DCDC1: variants seen among roughly 807,000 people sequenced by gnomAD.
DCDC1 encodes doublecortin domain containing 1.
In DCDC1, 200 loss-of-function variants were observed where a neutral mutation model predicts 178.3. The observed-to-expected ratio is 1.12, with a 90% CI of 1.00 to 1.26. DCDC1 has a LOEUF of 1.26. Among genes scored for constraint, DCDC1 ranks in the 50% most tolerant of loss-of-function variants. The pLI, the probability that DCDC1 is intolerant of heterozygous loss-of-function variation, is 0.00. For missense variants in DCDC1, 1,983 were observed against 1,749.2 expected, an observed-to-expected ratio of 1.13 and a Z score of -2.38; for synonymous variants, 690 against 604.8, an observed-to-expected ratio of 1.14 and a Z score of -2.07.
At chr11:30,983,537 C>T (rs1457359100) in intron 20 of DCDC1, among the ~76,000 whole-genome samples, 1 of 152,110 alleles carries the variant, frequency 6.6e-6, no homozygotes, top group Non-Finnish European at 1.5e-5. Flanking sequence ...ATTAAAATTA[C>T]ATAAATCATA....
intron 9 of DCDC1, among the ~76,000 whole-genome samples, chr11:31,169,630 T>C (rs1966969671): frequency 6.6e-6 from 1 of 152,146 alleles, no homozygotes; most frequent in African/African-American, 2.4e-5. Flanking sequence ...AGTTGTTCAT[T>C]CATTCATTCA....
intron 9 of DCDC1, among the ~76,000 whole-genome samples, chr11:31,201,992 A>C (rs184658776): frequency 3.3e-5 from 5 of 152,340 alleles, no homozygotes; most frequent in Admixed American, 6.5e-5. Context: ...TGCTTTTAAA[A>C]AGATCAATTT....
At chr11:31,158,843 A>T (rs985595656) in intron 9 of DCDC1, among the ~76,000 whole-genome samples, 3 of 152,170 alleles carry the variant, frequency 2.0e-5, no homozygotes, top group Non-Finnish European at 4.4e-5. Flanking sequence ...TTATATCTAA[A>T]TAAGCCCCTC....
At chr11:30,899,492 G>T (rs1227807998) in intron 34 of DCDC1, 49 bp downstream of exon 34, 1 of 1,227,090 alleles carries the variant, frequency 8.1e-7, no homozygotes, top group Non-Finnish European at 1.1e-6. Flanking sequence ...GCAATTTGGG[G>T]CTACATTTTG....
chr11:31,170,101 G>C (rs1299974015), intron 9 of DCDC1, among the ~76,000 whole-genome samples: 1 of 152,192 alleles, frequency 6.6e-6, no homozygotes, highest in Non-Finnish European at 1.5e-5. Context: ...TTAGATGTAT[G>C]CTTTAGAAAG....
intron 8 of DCDC1, among the ~76,000 whole-genome samples, chr11:31,264,963 T>C (rs1453549320): frequency 6.6e-6 from 1 of 152,138 alleles, no homozygotes. Context: ...ATGCTACAAA[T>C]CAGGGACTTT....
chr11:31,136,496 A>G (rs189625069), intron 10 of DCDC1, among the ~76,000 whole-genome samples: 161 of 152,276 alleles, frequency 1.1e-3, no homozygotes, highest in African/African-American at 3.6e-3. Flanking sequence ...GGTGCATGCT[A>G]CCTGTTCATC....
At chr11:31,005,593 G>A (rs1407080898) in intron 20 of DCDC1, among the ~76,000 whole-genome samples, 1 of 152,000 alleles carries the variant, frequency 6.6e-6, no homozygotes, top group African/African-American at 2.4e-5. Context: ...AAAATAACAA[G>A]ACTAACCCCA....
intron 16 of DCDC1, among the ~76,000 whole-genome samples, chr11:31,092,145 C>T (rs1042074400): frequency 3.9e-5 from 6 of 151,946 alleles, no homozygotes; most frequent in East Asian, 3.9e-4. Flanking sequence ...ATTTATGGCA[C>T]GTAAAATTCT....
Position 30,916,958 on chromosome 11 carries a change from T to A in DCDC1, c.3364A>T (p.Thr1122Ser), listed in dbSNP as rs768955568. ...HTLPRYAWQE[T>S]SHDFDEDDSL... Reference sequence around the variant, plus strand: ...TCATCCTCATCAAAGTCATGTGAAGTTTCCTGCCAGGCATACCTGGGAAGT... The same window carrying A: ...TCATCCTCATCAAAGTCATGTGAAGATTCCTGCCAGGCATACCTGGGAAGT... Residue 1122 changes from threonine to serine, a missense_variant, in exon 26 of 39, where the codon ACT becomes TCT. By Grantham distance (58) the Thr-to-Ser change is moderately conservative. Coordinates refer to ENST00000684477, the MANE Select transcript of DCDC1 (RefSeq NM_001387274.1). The A allele has an allele frequency of 6.2e-6, 10 of 1,611,228 alleles. No homozygotes were observed.
intron 20 of DCDC1, among the ~76,000 whole-genome samples, chr11:30,982,306 C>T (rs1012961666): frequency 1.6e-4 from 25 of 152,282 alleles, no homozygotes; most frequent in Admixed American, 7.2e-4. Context: ...ACAGCTTCAA[C>T]GGATCTGTGA....
intron 20 of DCDC1, among the ~76,000 whole-genome samples, chr11:30,989,277 G>A (rs1950840422): frequency 6.6e-6 from 1 of 152,180 alleles, no homozygotes; most frequent in Non-Finnish European, 1.5e-5. Context: ...AACGACTTTT[G>A]TAAAGCCTGT....
At chr11:30,881,387 G>T (rs1343642752) in intron 36 of DCDC1, 79 bp from the exon 37 acceptor site, 2 of 1,516,694 alleles carry the variant, frequency 1.3e-6, no homozygotes, top group African/African-American at 2.8e-5. Flanking sequence ...ACTCTTCTGA[G>T]AAAACTATTA....
chr11:31,147,977 A>C (rs1390683379), intron 9 of DCDC1, among the ~76,000 whole-genome samples: 1 of 152,148 alleles, frequency 6.6e-6, no homozygotes, highest in Non-Finnish European at 1.5e-5. Context: ...GGCTGGGGTC[A>C]GGGGCCCACC....
intron 1 of DCDC1, among the ~76,000 whole-genome samples, chr11:31,367,669 A>G (rs1009745734): frequency 6.6e-6 from 1 of 152,234 alleles, no homozygotes; most frequent in Admixed American, 6.5e-5. Context: ...GTTCGGGCAC[A>G]ATACATACCA....
chr11:31,311,352 AG>A (rs1160619316), intron 3 of DCDC1, among the ~76,000 whole-genome samples: 1 of 152,142 alleles, frequency 6.6e-6, no homozygotes, highest in African/African-American at 2.4e-5. Context: ...CCTTCCAAAC[AG>A]GGAAAATATA....
At chr11:30,893,667 T>G (rs531351526) in intron 35 of DCDC1, among the ~76,000 whole-genome samples, 1 of 152,334 alleles carries the variant, frequency 6.6e-6, no homozygotes, top group Admixed American at 6.5e-5. Flanking sequence ...TTTCACGAAT[T>G]TGAGAAATCT....
At chr11:30,957,328 G>A (rs1016061607) in intron 20 of DCDC1, among the ~76,000 whole-genome samples, 2 of 152,002 alleles carry the variant, frequency 1.3e-5, no homozygotes, top group African/African-American at 2.4e-5. Context: ...ACCTTAAAAG[G>A]CTCATCTCCT....
At chr11:30,947,393 C>A (rs1385820634) in intron 21 of DCDC1, among the ~76,000 whole-genome samples, 1 of 152,070 alleles carries the variant, frequency 6.6e-6, no homozygotes, top group Non-Finnish European at 1.5e-5. Flanking sequence ...AATAGATGGC[C>A]TATAAATAAA....
Sources: allele counts gnomAD v4.1 joint callset (sites outside exome capture counted in the v4.1 genomes callset), GRCh38; gene constraint gnomAD v4.1.1; transcripts MANE v1.5; gene names NCBI Gene and HGNC (gene_info 2026-07-23, HGNC 2026-07-21).